Variants in BEND6 observed in about 807,000 individuals in gnomAD.
BEND6 encodes BEN domain containing 6.
In BEND6, 24 loss-of-function variants were observed where a neutral mutation model predicts 31.8. The ratio of observed to expected loss-of-function variants is 0.75; its 90% CI spans 0.55 to 1.06. The LOEUF is 1.06. BEND6 is among the 50% of genes least tolerant of loss of function. BEND6 has a pLI of 0.00. For synonymous variants in BEND6, 109 were observed against 114.6 expected (o/e 0.95, Z 0.31); for missense variants, 294 against 327.4 (o/e 0.90, Z 0.79).
At chr6:57,007,130 A>T (rs564351961) in intron 3 of BEND6, among the ~76,000 whole-genome samples, 27 of 152,066 alleles carry the variant, frequency 1.8e-4, no homozygotes, top group African/African-American at 6.3e-4. Flanking sequence ...CTCTACAAAA[A>T]CTGTTAAAAT....
chr6:56,956,436 T>C (rs1264271647), intron 1 of BEND6, among the ~76,000 whole-genome samples: 1 of 152,240 alleles, frequency 6.6e-6, no homozygotes, highest in Non-Finnish European at 1.5e-5. Flanking sequence ...CAGTAACATA[T>C]TACCGTGTGT....
chr6:57,026,031 T>C (rs1318873692), intron 6 of BEND6, 51 bp from the exon 7 acceptor site: 2 of 152,218 alleles, frequency 1.3e-5, no homozygotes, highest in African/African-American at 4.8e-5. Context: ...GTTAAAATAC[T>C]ACGAGAATGT....
chr6:57,016,728 G>A (rs1196438258), intron 4 of BEND6, among the ~76,000 whole-genome samples: 1 of 152,178 alleles, frequency 6.6e-6, no homozygotes, highest in African/African-American at 2.4e-5. Context: ...AAGAACTCAT[G>A]TGATTAAATT....
At chr6:57,001,129 TC>T (rs144638488) in intron 3 of BEND6, among the ~76,000 whole-genome samples, 1,522 of 149,364 alleles carry the variant, frequency 0.01, 27 homozygotes, top group African/African-American at 0.035. Flanking sequence ...CACCAGACCC[TC>T]CAGGGTCAAT....
chr6:56,967,280 G>A (rs949282023), intron 1 of BEND6, among the ~76,000 whole-genome samples: 5 of 152,162 alleles, frequency 3.3e-5, no homozygotes, highest in Admixed American at 2.6e-4. Flanking sequence ...CTGAGTATAG[G>A]GAAACCATGA....
At chr6:56,975,383 A>G (rs912515577) in intron 1 of BEND6, among the ~76,000 whole-genome samples, 1 of 152,214 alleles carries the variant, frequency 6.6e-6, no homozygotes, top group African/African-American at 2.4e-5. Flanking sequence ...GTATATCAAT[A>G]GGTCAGCAGG....
intron 3 of BEND6, among the ~76,000 whole-genome samples, chr6:57,006,979 A>T (rs1428881249): frequency 6.6e-6 from 1 of 152,166 alleles, no homozygotes; most frequent in Non-Finnish European, 1.5e-5. Flanking sequence ...CACTGGGGAA[A>T]TAATAGTCTC....
At chr6:57,017,947 G>C (rs1473367359) in intron 5 of BEND6, among the ~76,000 whole-genome samples, 1 of 152,180 alleles carries the variant, frequency 6.6e-6, no homozygotes, top group Non-Finnish European at 1.5e-5. Context: ...CAACTGCAAT[G>C]AAATTCTTTC....
chr6:57,011,741 A>G (rs1454725901), intron 3 of BEND6, among the ~76,000 whole-genome samples: 2 of 149,646 alleles, frequency 1.3e-5, no homozygotes, highest in African/African-American at 2.5e-5. Flanking sequence ...AAAAAGAAAA[A>G]AAAAGAAAAG....
At chr6:57,020,277 ATTT>A (rs1247013962) in intron 6 of BEND6, among the ~76,000 whole-genome samples, 4 of 130,890 alleles carry the variant, frequency 3.1e-5, no homozygotes, top group Non-Finnish European at 5.0e-5. Flanking sequence ...CAAGTTCTCT[ATTT>A]TTTTTTTTTT....
chr6:56,975,923 G>C, intron 1 of BEND6: 1 of 531,908 alleles, frequency 1.9e-6, no homozygotes, highest in Admixed American at 2.0e-5. Context: ...TCCTCCAGTG[G>C]TGAGGAAGTA....
At chr6:56,974,042 T>C (rs1825786831) in intron 1 of BEND6, among the ~76,000 whole-genome samples, 1 of 152,350 alleles carries the variant, frequency 6.6e-6, no homozygotes, top group Non-Finnish European at 1.5e-5. Flanking sequence ...CATAAGCCAT[T>C]GCACCCGGCC....
intron 1 of BEND6, among the ~76,000 whole-genome samples, chr6:56,968,970 G>A (rs183664531): frequency 1.7e-3 from 255 of 152,060 alleles, no homozygotes; most frequent in Non-Finnish European, 3.2e-3. Context: ...AGCTACTCGG[G>A]AGGCTGAGGC....
At chr6:56,990,101 A>C (rs1205096449) in intron 2 of BEND6, among the ~76,000 whole-genome samples, 1 of 149,878 alleles carries the variant, frequency 6.7e-6, no homozygotes, top group African/African-American at 2.5e-5. Flanking sequence ...TAAGAGATCC[A>C]TTTCCTTTCA....
chr6:57,003,565 C>G (rs1455918867), intron 3 of BEND6, among the ~76,000 whole-genome samples: 1 of 151,906 alleles, frequency 6.6e-6, no homozygotes, highest in African/African-American at 2.4e-5. Flanking sequence ...AAAAAAAACC[C>G]AGACCAGATG....
intron 3 of BEND6, among the ~76,000 whole-genome samples, chr6:57,012,478 G>C (rs1483987877): frequency 6.6e-6 from 1 of 152,154 alleles, no homozygotes; most frequent in African/African-American, 2.4e-5. Flanking sequence ...TCTATATCTT[G>C]ATTAGGTGTG....
rs1309642285 is a variant in BEND6 at position 57,018,535 on chromosome 6, A to G, written c.827A>G (p.Gln276Arg). The G allele has an allele frequency of 6.4e-7, 1 of 1,564,990 alleles. No individual in the cohort carries two copies. Among genetic ancestry groups the G allele is most frequent in the Non-Finnish European group, 8.6e-7 (1 of 1,162,534 alleles). ...AATTTAAGCAAAAATCTTAACTCTC[A>G]GGATATTAAATAGATCCTTTTGGTA... Reference protein sequence around the residue: ...KPNLSKNLNSQDIK With the variant: ...KPNLSKNLNSRDIK The change falls in exon 6 of 7, where the codon CAG becomes CGG. Residue 276 changes from glutamine to arginine, a missense_variant. Transcript: ENST00000370746.
At chr6:57,004,831 GACCAGC>G (rs1421802951) in intron 3 of BEND6, 7 of 722,944 alleles carry the variant, frequency 9.7e-6, no homozygotes, top group Non-Finnish European at 1.7e-5. Flanking sequence ...CAGGACTTGA[GACCAGC>G]CTGGGCAACA....
rs918017349 is a variant in BEND6, at chr6:56,978,997, A to C, written c.-100-2714A>C. On this transcript the variant is annotated intron_variant, in intron 1 of 6. Coordinates refer to ENST00000370746, the MANE Select transcript of BEND6 (RefSeq NM_152731.3). ...TAAGTAATGTCAAACTGCTTTATTTACTTCCCCTATTGTCAAAAGTTAAAA... is the reference window on the plus strand; with the variant it reads ...TAAGTAATGTCAAACTGCTTTATTTCCTTCCCCTATTGTCAAAAGTTAAAA... Among the ~76,000 whole-genome samples, 4 of 152,218 alleles carry C rather than the reference A, an allele frequency of 2.6e-5. No homozygotes were observed. The South Asian group carries it at 8.3e-4, about 31-fold the overall frequency.
Sources: allele counts gnomAD v4.1 joint callset (sites outside exome capture counted in the v4.1 genomes callset), GRCh38; gene constraint gnomAD v4.1.1; transcripts MANE v1.5; gene names NCBI Gene and HGNC (gene_info 2026-07-23, HGNC 2026-07-21).